SOX5: variants seen among roughly 807,000 people sequenced by gnomAD.
The protein encoded by SOX5 is transcription factor SOX-5.
In SOX5, 9 loss-of-function variants were observed where a neutral mutation model predicts 92.0. The ratio of observed to expected loss-of-function variants is 0.10; its 90% CI spans 0.06 to 0.17. The LOEUF is 0.17. Among genes scored for constraint, SOX5 ranks in the 10% least tolerant of loss-of-function variants. The pLI, the probability that SOX5 is intolerant of heterozygous loss-of-function variation, is 1.00. For synonymous variants in SOX5, 344 were observed against 336.3 expected (o/e 1.02, Z -0.25); for missense variants, 642 against 944.5 (o/e 0.68, Z 4.20).
intron 3 of SOX5, among the ~76,000 whole-genome samples, chr12:23,779,527 G>A (rs1010426327): frequency 4.6e-5 from 7 of 151,302 alleles, no homozygotes; most frequent in Admixed American, 3.3e-4. Flanking sequence ...AAGCTAATGC[G>A]AAGATATCTG....
intron 2 of SOX5, among the ~76,000 whole-genome samples, chr12:23,866,970 C>T (rs1452111738): frequency 2.0e-5 from 3 of 152,094 alleles, no homozygotes; most frequent in African/African-American, 7.2e-5. Context: ...ACTCTCCACT[C>T]CACTTAGTAA....
intron 14 of SOX5, among the ~76,000 whole-genome samples, chr12:23,535,666 C>A (rs544778677): frequency 1.3e-5 from 2 of 152,268 alleles, no homozygotes; most frequent in South Asian, 4.1e-4. Flanking sequence ...GACCACTGGA[C>A]AGAGCATGCA....
chr12:24,298,738 T>C (rs567974665), intron 2 of SOX5, among the ~76,000 whole-genome samples: 13 of 124,728 alleles, frequency 1.0e-4, no homozygotes, highest in African/African-American at 4.0e-4. Context: ...GTCACACAGA[T>C]AGGAAGGTGC....
intron 3 of SOX5, among the ~76,000 whole-genome samples, chr12:23,840,151 A>G (rs1232399515): frequency 6.6e-6 from 1 of 152,148 alleles, no homozygotes; most frequent in Non-Finnish European, 1.5e-5. Context: ...TGCAAGGGGA[A>G]TATACTACAG....
chr12:24,302,720 G>T (rs1948122927), intron 2 of SOX5, among the ~76,000 whole-genome samples: 1 of 152,062 alleles, frequency 6.6e-6, no homozygotes, highest in Admixed American at 6.6e-5. Flanking sequence ...GAATGGCCAA[G>T]GATTTCAATA....
chr12:23,605,508 C>CAT (rs1350878549), intron 8 of SOX5, among the ~76,000 whole-genome samples: 1 of 149,156 alleles, frequency 6.7e-6, no homozygotes, highest in African/African-American at 2.5e-5. Flanking sequence ...CACACACACA[C>CAT]ATCCCAGTTT....
intron 1 of SOX5, among the ~76,000 whole-genome samples, chr12:24,456,345 T>A (rs554127739): frequency 6.6e-6 from 1 of 152,220 alleles, no homozygotes; most frequent in Non-Finnish European, 1.5e-5. Flanking sequence ...CCTAACAAAA[T>A]CACATTTGAG....
At chr12:23,589,587 A>G (rs909589754) in intron 9 of SOX5, among the ~76,000 whole-genome samples, 1 of 151,976 alleles carries the variant, frequency 6.6e-6, no homozygotes, top group African/African-American at 2.4e-5. Flanking sequence ...AAGCACAGTA[A>G]GGGCTGGGAA....
chr12:23,876,143 A>C (rs1284707004), intron 2 of SOX5, among the ~76,000 whole-genome samples: 13 of 152,194 alleles, frequency 8.5e-5, no homozygotes, highest in Non-Finnish European at 4.4e-5. Flanking sequence ...GTCTATTAAA[A>C]GTATAGTAAA....
At chr12:23,929,265 G>A (rs1208940497) in intron 1 of SOX5, among the ~76,000 whole-genome samples, 1 of 151,776 alleles carries the variant, frequency 6.6e-6, no homozygotes, top group East Asian at 1.9e-4. Flanking sequence ...GTTACATTGT[G>A]GAAACAAAGT....
intron 9 of SOX5, among the ~76,000 whole-genome samples, chr12:23,578,900 G>C (rs947855522): frequency 1.3e-5 from 2 of 152,066 alleles, no homozygotes; most frequent in African/African-American, 4.8e-5. Flanking sequence ...GATCAAAGAT[G>C]GCTGTTTTAC....
rs540375959 is a variant in SOX5 at position 23,680,423 on chromosome 12, A to G, written c.811-14859T>C. Among the ~76,000 whole-genome samples, 3 of 151,902 alleles carry G rather than the reference A, an allele frequency of 2.0e-5. No individual in the cohort carries two copies. The South Asian group carries it at 6.2e-4, about 32-fold the overall frequency. ...GACGTGATGAGAAATGTCACTAACC[A>G]TAAAAGAAATCCAAAGAAATGAACT... On this transcript the variant is annotated intron_variant, in intron 6 of 14. Transcript: ENST00000451604.
At chr12:23,959,786 C>G (rs1388650664) in intron 4 of SOX5, among the ~76,000 whole-genome samples, 1 of 152,082 alleles carries the variant, frequency 6.6e-6, no homozygotes, top group East Asian at 1.9e-4. Context: ...GAAAGATGCT[C>G]AACATCTTCC....
chr12:23,919,232 G>A (rs1175787322), intron 1 of SOX5, among the ~76,000 whole-genome samples: 1 of 152,244 alleles, frequency 6.6e-6, no homozygotes, highest in East Asian at 1.9e-4. Context: ...CAGTTTGCAG[G>A]TGAAATTGGT....
At chr12:24,439,732 A>G (rs1940148934) in intron 1 of SOX5, among the ~76,000 whole-genome samples, 1 of 152,086 alleles carries the variant, frequency 6.6e-6, no homozygotes, top group Non-Finnish European at 1.5e-5. Flanking sequence ...GTCTCTACTA[A>G]AAATGAAAAA....
chr12:24,410,641 TTCTC>T (rs1194218720), intron 1 of SOX5, among the ~76,000 whole-genome samples: 1 of 152,222 alleles, frequency 6.6e-6, no homozygotes, highest in African/African-American at 2.4e-5. Context: ...AATTTCTGGC[TTCTC>T]TGTTTTTTTC....
At chr12:24,384,696 T>C (rs1180503937) in intron 1 of SOX5, among the ~76,000 whole-genome samples, 2 of 152,200 alleles carry the variant, frequency 1.3e-5, no homozygotes, top group African/African-American at 2.4e-5. Flanking sequence ...GATAGGTGCC[T>C]AGTTAAGACG....
rs1369810497 is a variant in SOX5, at chr12:23,988,274, ATCAT to A, written c.-1-92254_-1-92251del. On this transcript the variant is annotated intron_variant, in intron 4 of 4. Coordinates refer to the SOX5 transcript ENST00000446891. ...ATCAGACATTTGGGTCACCTGGGAC[ATCAT>A]TCAGTCACCTAGGACTAGTTAATCA... is the stretch of plus-strand genomic sequence containing the variant. Among the ~76,000 whole-genome samples the A allele has an allele frequency of 3.9e-5, 6 of 152,306 alleles. No individual in the cohort carries two copies. In the East Asian group the frequency reaches 5.8e-4, roughly 15 times the overall value.
Position 23,987,373 on chromosome 12 carries a change from G to C in SOX5, c.-1-91349C>G, listed in dbSNP as rs186110095. Among the ~76,000 whole-genome samples, 292 of 152,254 alleles carry C rather than the reference G, an allele frequency of 1.9e-3. 2 individuals are homozygous for C. The highest frequency in any genetic ancestry group is 1.9e-3 in the Non-Finnish European group (130 of 68,012). ...GAAGTACACTCCAGTGTCCCAGTGG[G>C]GCCACTAATGGATGTAAGCATTAAT... On this transcript the variant is annotated intron_variant, in intron 4 of 4. Coordinates refer to the SOX5 transcript ENST00000446891.
Sources: gnomAD v4.1 joint callset for allele counts (sites outside exome capture counted in the v4.1 genomes callset) on GRCh38, gnomAD v4.1.1 for gene constraint, MANE v1.5 for transcripts, NCBI Gene and HGNC (gene_info 2026-07-23, HGNC 2026-07-21) for gene names.